The following APTX variants were observed in gnomAD, a reference collection of about 807,000 sequenced individuals.
APTX encodes forkhead-associated domain histidine triad-like protein.
In APTX, 33 loss-of-function variants were observed where a neutral mutation model predicts 42.3. The observed-to-expected ratio is 0.78, with a 90% confidence interval of 0.59 to 1.04. The LOEUF (loss-of-function observed/expected upper bound fraction) is 1.04. Ranked by LOEUF, APTX falls within the 50% of genes least tolerant of loss-of-function variation. The probability of loss-of-function intolerance (pLI) is 0.00; values close to 1 mark genes in which losing one functional copy is unlikely to be tolerated. For synonymous variants in APTX, 130 were observed against 146.7 expected (o/e 0.89, Z 0.82); for missense variants, 421 against 415.1 (o/e 1.01, Z -0.12).
intron 1 of APTX, among the ~76,000 whole-genome samples, chr9:33,022,812 C>G (rs1838495732): frequency 6.6e-6 from 1 of 152,138 alleles, no homozygotes; most frequent in Admixed American, 6.5e-5. Context: ...TTTTATTTTA[C>G]GTAAGAATGC....
intron 1 of APTX, chr9:32,997,291 C>T (rs960824637): frequency 1.3e-5 from 2 of 152,096 alleles, no homozygotes; most frequent in African/African-American, 4.8e-5. Flanking sequence ...TTGCTTGAGC[C>T]TAGGGGTTCA....
chr9:32,993,582 T>C (rs1485299555), intron 1 of APTX, among the ~76,000 whole-genome samples: 1 of 152,218 alleles, frequency 6.6e-6, no homozygotes, highest in East Asian at 1.9e-4. Flanking sequence ...TTATCCCAGT[T>C]TTCTTTCCTG....
chr9:33,017,939 C>G (rs1223529295), intron 1 of APTX, among the ~76,000 whole-genome samples: 2 of 145,074 alleles, frequency 1.4e-5, no homozygotes, highest in South Asian at 2.4e-4. Context: ...CCCCCCCCCC[C>G]CTCCCATTTT....
At chr9:32,990,148 A>G (rs1833229331) in intron 1 of APTX, 1 of 503,158 alleles carries the variant, frequency 2.0e-6, no homozygotes, top group South Asian at 2.7e-5. Context: ...AGGCAATCAA[A>G]TATTTATTAC....
intron 1 of APTX, among the ~76,000 whole-genome samples, chr9:32,998,306 A>G (rs948320666): frequency 2.0e-5 from 3 of 152,186 alleles, no homozygotes; most frequent in African/African-American, 7.2e-5. Context: ...TACAGAATGA[A>G]AAGAACAGTT....
intron 4 of APTX, among the ~76,000 whole-genome samples, chr9:32,986,452 C>T (rs894360708): frequency 5.9e-5 from 9 of 152,172 alleles, no homozygotes; most frequent in Admixed American, 5.9e-4. Flanking sequence ...TGGCCTCCAC[C>T]TCCCCAAGTG....
rs775288316 is a variant in APTX at position 32,987,823 on chromosome 9, A to C, written c.204T>G (p.Ile68Met). The change falls in exon 4 of 8, where the codon ATT becomes ATG. Residue 68 changes from isoleucine to methionine, a missense_variant. Coordinates refer to ENST00000379817, the MANE Select transcript of APTX (RefSeq NM_001195248.2). ...VKQVGVNPTS[I>M]DSVVIGKDQE... ...GGTCCTTCCCAATTACGACTGAGTC[A>C]ATGCTGGTGGGATTGACTCCTACCT... 1 of 1,613,718 alleles carries C rather than the reference A, an allele frequency of 6.2e-7. No homozygotes were observed. The highest frequency in any genetic ancestry group is 1.1e-5 in the South Asian group (1 of 91,054).
chr9:32,990,006 G>A (rs924661346), intron 1 of APTX, 111 bp from the exon 2 acceptor site: 12 of 1,370,910 alleles, frequency 8.8e-6, no homozygotes, highest in Non-Finnish European at 1.1e-5. Flanking sequence ...TCATCTTGAG[G>A]CAAGTGACTT....
At chr9:33,004,630 C>CTTTTTTTTTTT (rs3065216), upstream of APTX, among the ~76,000 whole-genome samples, 1 of 125,712 alleles carries the variant, frequency 8.0e-6, no homozygotes. Context: ...CTTGCCAACC[C>CTTTTTTTTTTT]TTTTTTTTTT....
At chr9:32,982,920 T>G (rs1384008453) in intron 6 of APTX, among the ~76,000 whole-genome samples, 2 of 152,058 alleles carry the variant, frequency 1.3e-5, no homozygotes, top group African/African-American at 4.8e-5. Context: ...ACCTAACAAT[T>G]CCATCTCCAA....
Position 33,001,585 on chromosome 9 carries a change from G to A in APTX, c.-23C>T, listed in dbSNP as rs1405034757. 6 of 1,613,840 alleles carry A rather than the reference G, an allele frequency of 3.7e-6. No individual in the cohort carries two copies. In the African/African-American group the frequency reaches 6.7e-5, roughly 18 times the overall value. On this transcript the variant is annotated 5_prime_UTR_variant, in exon 1 of 8. Transcript: ENST00000379817. ...GCCTTACCTCCAGAAGTCGGAGACG[G>A]ACAAATTCACGTTACTCATCTGTGC...
At chr9:33,015,335 A>G (rs145282632) in intron 1 of APTX, among the ~76,000 whole-genome samples, 5 of 152,306 alleles carry the variant, frequency 3.3e-5, no homozygotes, top group Non-Finnish European at 7.4e-5. Context: ...AAGATCTTGC[A>G]TAAGGGTCAT....
chr9:33,023,097 G>A (rs1472364594), intron 1 of APTX, among the ~76,000 whole-genome samples: 2 of 152,132 alleles, frequency 1.3e-5, no homozygotes, highest in African/African-American at 4.8e-5. Flanking sequence ...CCAAAGTGCT[G>A]GGATTACAGG....
At chr9:33,011,136 C>A (rs181055340) in intron 1 of APTX, among the ~76,000 whole-genome samples, 1 of 150,106 alleles carries the variant, frequency 6.7e-6, no homozygotes, top group Non-Finnish European at 1.5e-5. Context: ...GAGTGAGACT[C>A]CGTCTCAAAA....
At chr9:33,019,303 A>G (rs899212192) in intron 1 of APTX, among the ~76,000 whole-genome samples, 3 of 152,200 alleles carry the variant, frequency 2.0e-5, no homozygotes, top group African/African-American at 7.2e-5. Flanking sequence ...GTACGTAGTC[A>G]GAAGAGAAGA....
At position 33,001,578 on chromosome 9, in the gene APTX, G is replaced by T. The variant is rs769775544; in HGVS notation, c.-16C>A. 1 of 1,613,906 alleles carries T rather than the reference G, an allele frequency of 6.2e-7. No homozygotes were observed. Among genetic ancestry groups the T allele is most frequent in the Non-Finnish European group, 8.5e-7 (1 of 1,180,034 alleles). Reference sequence around the variant, plus strand: ...GACGACCGCCTTACCTCCAGAAGTCGGAGACGGACAAATTCACGTTACTCA... The same window carrying T: ...GACGACCGCCTTACCTCCAGAAGTCTGAGACGGACAAATTCACGTTACTCA... On this transcript the variant is annotated 5_prime_UTR_variant, in exon 1 of 8. Transcript: ENST00000379817.
In APTX at chr9:32,973,602, T is replaced by C; in HGVS notation, c.925A>G (p.Met309Val). Residue 309 changes from methionine (M) to valine (V), a missense_variant, in exon 8 of 8, where the codon ATG becomes GTG. Physicochemically the swap from Met to Val is conservative, Grantham distance 21 (BLOSUM62 1). Coordinates refer to ENST00000379817, the MANE Select transcript of APTX (RefSeq NM_001195248.2). ...AGGGGCAGCTTCAAGAGCTCAGGCA[T>C]CCCATCTCGGACAGTTACTCTACCA... ...EAGRVTVRDG[M>V]PELLKLPLRC... 1 of 1,612,086 alleles carries C rather than the reference T, an allele frequency of 6.2e-7. No homozygotes were observed. The highest frequency in any genetic ancestry group is 1.1e-5 in the South Asian group (1 of 90,984).
chr9:33,000,841 T>TTTC (rs1200050668), intron 1 of APTX, among the ~76,000 whole-genome samples: 6,490 of 130,068 alleles, frequency 0.05, 185 homozygotes, highest in Non-Finnish European at 0.084. Context: ...CTTTTTTTTT[T>TTTC]TTTCTTTTTT....
chr9:33,020,392 T>C (rs1002118532), intron 1 of APTX, among the ~76,000 whole-genome samples: 1 of 152,216 alleles, frequency 6.6e-6, no homozygotes, highest in Non-Finnish European at 1.5e-5. Context: ...TACATGTTTT[T>C]ATATTTGTGT....
Sources: gnomAD v4.1 joint callset for allele counts (sites outside exome capture counted in the v4.1 genomes callset) on GRCh38, gnomAD v4.1.1 for gene constraint, MANE v1.5 for transcripts, NCBI Gene and HGNC (gene_info 2026-07-23, HGNC 2026-07-21) for gene names.